Variants in VIPR2 observed in about 807,000 individuals in gnomAD.
The protein encoded by VIPR2 is vasoactive intestinal polypeptide receptor 2.
VIPR2 carries 48 observed loss-of-function variants against 58.0 expected under a neutral mutation model. That is an observed-to-expected ratio of 0.83 (90% CI 0.66 to 1.05). The LOEUF is 1.05. VIPR2 is among the 50% of genes least tolerant of loss of function. VIPR2 has a pLI of 0.00. For synonymous variants in VIPR2, 243 were observed against 235.2 expected, an observed-to-expected ratio of 1.03 and a Z score of -0.30; for missense variants, 534 against 558.0, an observed-to-expected ratio of 0.96 and a Z score of 0.43.
chr7:159,030,478 AC>A lies in VIPR2; in HGVS notation c.*137del, dbSNP rs1293030435. On this transcript the variant is annotated 3_prime_UTR_variant, in exon 13 of 13. Coordinates refer to ENST00000262178, the MANE Select transcript of VIPR2 (RefSeq NM_003382.5). ...TTCCAGGTATGGGGTTTAGTGGACAACCAGCTTGACGGAGTCAGGACCGCGC... is the reference window on the plus strand; with the variant it reads ...TTCCAGGTATGGGGTTTAGTGGACAACAGCTTGACGGAGTCAGGACCGCGC... The A allele has an allele frequency of 9.3e-7, 1 of 1,076,790 alleles. No homozygotes were observed. The highest frequency in any genetic ancestry group is 1.3e-6 in the Non-Finnish European group (1 of 787,870). 66.7% of individuals were successfully genotyped at this position (1,076,790 alleles called of 1,614,324 possible).
chr7:159,131,332 T>C (rs1796907036), intron 2 of VIPR2, among the ~76,000 whole-genome samples: 1 of 152,212 alleles, frequency 6.6e-6, no homozygotes, highest in African/African-American at 2.4e-5. Context: ...GCCCAGTTCA[T>C]TTCACACTGA....
chr7:159,123,153 C>T (rs192327506), intron 2 of VIPR2, among the ~76,000 whole-genome samples: 154 of 151,912 alleles, frequency 1.0e-3, no homozygotes, highest in African/African-American at 3.1e-3. Flanking sequence ...ATTAGCTGGG[C>T]GTGGTGGCGT....
At chr7:159,053,740 GTCTCCC>G (rs747416759) in intron 5 of VIPR2, among the ~76,000 whole-genome samples, 1 of 152,156 alleles carries the variant, frequency 6.6e-6, no homozygotes, top group Non-Finnish European at 1.5e-5. Context: ...TAGAGATGGG[GTCTCCC>G]TATGTTGCCC....
chr7:159,058,210 T>C (rs541044938), intron 5 of VIPR2, among the ~76,000 whole-genome samples: 1 of 152,350 alleles, frequency 6.6e-6, no homozygotes, highest in Admixed American at 6.5e-5. Context: ...TTTTCTGTAT[T>C]TTCCACGCAT....
chr7:159,102,685 G>A (rs1249169359), intron 4 of VIPR2, among the ~76,000 whole-genome samples: 2 of 152,218 alleles, frequency 1.3e-5, no homozygotes, highest in Non-Finnish European at 2.9e-5. Context: ...CATCCCCTGG[G>A]GGCCCAGAGG....
chr7:159,110,940 A>G (rs572316304), intron 2 of VIPR2, among the ~76,000 whole-genome samples: 2 of 152,370 alleles, frequency 1.3e-5, no homozygotes, highest in East Asian at 3.9e-4. Context: ...TTATTATAAA[A>G]TAAAATTACA....
At chr7:159,079,306 A>G (rs1414200133) in intron 4 of VIPR2, among the ~76,000 whole-genome samples, 1 of 152,232 alleles carries the variant, frequency 6.6e-6, no homozygotes, top group East Asian at 1.9e-4. Flanking sequence ...AGAACACAGG[A>G]TTAAGAAACT....
intron 5 of VIPR2, among the ~76,000 whole-genome samples, chr7:159,054,858 C>T (rs1457254355): frequency 2.0e-5 from 3 of 152,080 alleles, no homozygotes; most frequent in South Asian, 4.2e-4. Context: ...ATGATGATCC[C>T]ATCAGGGTAT....
chr7:159,121,560 TATG>T (rs1796458496), intron 2 of VIPR2, among the ~76,000 whole-genome samples: 1 of 152,234 alleles, frequency 6.6e-6, no homozygotes, highest in Non-Finnish European at 1.5e-5. Flanking sequence ...TTTACAAAAA[TATG>T]ATATTATACA....
chr7:159,080,228 G>A (rs1415057620), intron 4 of VIPR2, among the ~76,000 whole-genome samples: 2 of 152,108 alleles, frequency 1.3e-5, no homozygotes, highest in African/African-American at 2.4e-5. Flanking sequence ...ATAAAATACT[G>A]GCAAACCGAA....
chr7:159,039,847 T>C (rs184815057), intron 6 of VIPR2, among the ~76,000 whole-genome samples: 53 of 152,296 alleles, frequency 3.5e-4, no homozygotes, highest in Non-Finnish European at 5.1e-4. Flanking sequence ...TAAAGACGCA[T>C]GTCCGGTGAT....
At position 159,096,925 on chromosome 7, in the gene VIPR2, A is replaced by G; in HGVS notation, c.357+6832T>C. ...CCCCGTTCCCATCACTCGATGAGCC[A>G]ATGCCCTCGTGGCTGGCATTGAGCT... is the stretch of plus-strand genomic sequence containing the variant. On this transcript the variant is annotated intron_variant, in intron 4 of 12. Coordinates refer to ENST00000262178, the MANE Select transcript of VIPR2 (RefSeq NM_003382.5). The surrounding 1 kb of genome is among the most constrained non-coding windows in gnomAD (Gnocchi z 5.5). 1 of 1,550,684 alleles carries G rather than the reference A, an allele frequency of 6.4e-7. No homozygotes were observed. The highest frequency in any genetic ancestry group is 8.7e-7 in the Non-Finnish European group (1 of 1,147,058).
At chr7:159,071,156 G>A (rs887607241) in intron 4 of VIPR2, among the ~76,000 whole-genome samples, 1 of 152,210 alleles carries the variant, frequency 6.6e-6, no homozygotes, top group African/African-American at 2.4e-5. Context: ...CCTGTAATAA[G>A]CACCAATGTT....
chr7:159,072,871 TG>T (rs1856478248), intron 4 of VIPR2, among the ~76,000 whole-genome samples: 2 of 152,276 alleles, frequency 1.3e-5, no homozygotes, highest in Non-Finnish European at 2.9e-5. Flanking sequence ...TGCACAGCTC[TG>T]TGCTAACAAA....
At chr7:159,057,186 TCC>T (rs1855373079) in intron 5 of VIPR2, among the ~76,000 whole-genome samples, 1 of 152,236 alleles carries the variant, frequency 6.6e-6, no homozygotes, top group Non-Finnish European at 1.5e-5. Context: ...TCAGCTTACT[TCC>T]TTAAAGTTTT....
At chr7:159,033,126 T>C (rs1312589885) in intron 10 of VIPR2, among the ~76,000 whole-genome samples, 1 of 152,250 alleles carries the variant, frequency 6.6e-6, no homozygotes, top group East Asian at 1.9e-4. Context: ...TTGATCCTCC[T>C]GACCTTAGTG....
At chr7:159,035,558 C>G (rs1853885973) in intron 8 of VIPR2, among the ~76,000 whole-genome samples, 2 of 152,228 alleles carry the variant, frequency 1.3e-5, no homozygotes, top group Non-Finnish European at 2.9e-5. Context: ...TGAGCCAAGA[C>G]CAGTGCTTAG....
chr7:159,103,250 T>C (rs1233033240), intron 4 of VIPR2, among the ~76,000 whole-genome samples: 1 of 152,218 alleles, frequency 6.6e-6, no homozygotes, highest in African/African-American at 2.4e-5. Context: ...CTGGGACCCC[T>C]GCTCCCAGAC....
intron 2 of VIPR2, among the ~76,000 whole-genome samples, chr7:159,131,445 T>G (rs1654140861): frequency 6.6e-6 from 1 of 152,216 alleles, no homozygotes; most frequent in East Asian, 1.9e-4. Context: ...ATGCTTCCTT[T>G]ATCCCCTTTC....
Sources: allele counts gnomAD v4.1 joint callset (sites outside exome capture counted in the v4.1 genomes callset), GRCh38; gene constraint gnomAD v4.1.1; non-coding constraint Gnocchi (gnomAD v3.1); transcripts MANE v1.5; gene names NCBI Gene and HGNC (gene_info 2026-07-23, HGNC 2026-07-21).